The following ULK4 variants were observed in gnomAD, a reference collection of about 807,000 sequenced individuals.
ULK4 encodes inactive serine/threonine-protein kinase ULK4.
A neutral mutation model predicts 160.6 loss-of-function variants in ULK4; 133 were observed. The ratio of observed to expected loss-of-function variants is 0.83; its 90% confidence interval spans 0.72 to 0.96. ULK4 has a LOEUF of 0.96. Ranked by LOEUF, ULK4 falls within the 40% of genes least tolerant of loss-of-function variation. The pLI is 0.00. For synonymous variants in ULK4, 534 were observed against 539.8 expected (o/e 0.99, Z 0.15); for missense variants, 1,580 against 1,499.5 (o/e 1.05, Z -0.89).
chr3:41,279,264 A>AC lies in ULK4; in HGVS notation c.3679-29691_3679-29690insG, dbSNP rs1295508287. Among the ~76,000 whole-genome samples the AC allele has an allele frequency of 3.6e-4, 52 of 144,082 alleles. 1 individual carries two copies. The South Asian group carries it at 0.01, about 28-fold the overall frequency. The allele number at this position is 144,082 out of a possible 152,430, so 94.5% of individuals were successfully genotyped here. ...TTAGAGAAAAAAAGAGTAAAAAAAA[A>AC]AAAAAAAAAAACAAAACGACAAAGC... On this transcript the variant is annotated intron_variant, in intron 35 of 36. Transcript: ENST00000301831.
At chr3:41,584,290 T>A (rs2030616834) in intron 31 of ULK4, among the ~76,000 whole-genome samples, 1 of 152,106 alleles carries the variant, frequency 6.6e-6, no homozygotes, top group Non-Finnish European at 1.5e-5. Context: ...TTAGTGAAGA[T>A]ATAATAACTT....
At chr3:41,763,016 C>T (rs2039040553) in intron 21 of ULK4, among the ~76,000 whole-genome samples, 1 of 152,060 alleles carries the variant, frequency 6.6e-6, no homozygotes, top group Non-Finnish European at 1.5e-5. Flanking sequence ...CTCACTATCA[C>T]AAGAACAGCA....
intron 30 of ULK4, among the ~76,000 whole-genome samples, chr3:41,640,481 T>A (rs549619457): frequency 6.6e-6 from 1 of 152,306 alleles, no homozygotes; most frequent in East Asian, 1.9e-4. Flanking sequence ...TTGCCTAGTG[T>A]CCCAGGAAGC....
In ULK4 at chr3:41,249,480, C is replaced by G. The variant is rs748560352; in HGVS notation, c.3764+9G>C. 6.2e-7 allele frequency: 1 copy of G among 1,611,884 alleles called. No individual in the cohort carries two copies. The highest frequency in any genetic ancestry group is 8.5e-7 in the Non-Finnish European group (1 of 1,178,900). The stretch of plus-strand genomic sequence containing the variant: ...GAGCAGACTGCTGATCCTCCTGGGT[C>G]CCACTTACCCACTCCCAGGGGCCAG... On this transcript the variant is annotated intron_variant, in intron 36 of 36. Transcript: ENST00000301831.
rs141332137 is a variant in ULK4, at chr3:41,733,550, TATA to T, written c.2322-15692_2322-15690del. Among the ~76,000 whole-genome samples the T allele has an allele frequency of 7.5e-3, 1,140 of 152,128 alleles. 11 individuals are homozygous for T. The highest frequency in any genetic ancestry group is 0.026 in the African/African-American group (1,097 of 41,500). On this transcript the variant is annotated intron_variant, in intron 22 of 36. Coordinates refer to ENST00000301831, the MANE Select transcript of ULK4 (RefSeq NM_017886.4). ...ACATACTTAAAAATAAATGTGTAAC[TATA>T]ATAATAAATTAAATATTTATAAAAA...
At chr3:41,338,117 A>G (rs1234811776) in intron 35 of ULK4, among the ~76,000 whole-genome samples, 2 of 152,232 alleles carry the variant, frequency 1.3e-5, no homozygotes, top group Non-Finnish European at 2.9e-5. Flanking sequence ...CAGAGAGACA[A>G]CTTGTTTGAA....
chr3:41,601,900 T>G (rs1196571207), intron 31 of ULK4, among the ~76,000 whole-genome samples: 2 of 151,866 alleles, frequency 1.3e-5, no homozygotes, highest in Non-Finnish European at 2.9e-5. Flanking sequence ...TATAGAAAAT[T>G]AGTGAAATCT....
At chr3:41,819,267 G>A (rs1283738371) in intron 19 of ULK4, among the ~76,000 whole-genome samples, 156 bp downstream of exon 19, 1 of 152,208 alleles carries the variant, frequency 6.6e-6, no homozygotes, top group African/African-American at 2.4e-5. Flanking sequence ...CTCCACTGTA[G>A]GTCACTTGCT....
chr3:41,600,983 G>A (rs552815019), intron 31 of ULK4, among the ~76,000 whole-genome samples: 1 of 152,278 alleles, frequency 6.6e-6, no homozygotes, highest in East Asian at 1.9e-4. Flanking sequence ...ATAAGCACTT[G>A]AATCAAGAGA....
intron 19 of ULK4, among the ~76,000 whole-genome samples, chr3:41,810,855 C>A (rs1194118794): frequency 5.9e-5 from 9 of 151,988 alleles, no homozygotes; most frequent in Non-Finnish European, 2.9e-5. Flanking sequence ...TAGTAATGTA[C>A]CTTACTGAGC....
chr3:41,527,613 T>C (rs1415846615), intron 32 of ULK4, among the ~76,000 whole-genome samples: 1 of 152,216 alleles, frequency 6.6e-6, no homozygotes, highest in Non-Finnish European at 1.5e-5. Context: ...TGTAATGTTG[T>C]CCACCTAATT....
At chr3:41,495,137 AAAGG>A (rs2084939930) in intron 32 of ULK4, among the ~76,000 whole-genome samples, 1 of 152,242 alleles carries the variant, frequency 6.6e-6, no homozygotes, top group East Asian at 1.9e-4. Flanking sequence ...ATGCTAAGCC[AAAGG>A]AACAAAGCTG....
chr3:41,343,489 G>A (rs2080731935), intron 35 of ULK4, among the ~76,000 whole-genome samples: 1 of 151,426 alleles, frequency 6.6e-6, no homozygotes, highest in South Asian at 2.1e-4. Context: ...ATTTTTAGTA[G>A]AGAGGGGTTT....
At position 41,681,628 on chromosome 3, in the gene ULK4, C is replaced by T. The variant is rs760046506; in HGVS notation, c.2858G>A (p.Arg953Gln). ...QNVEWRLFSLRLLSETTSLLV... is the reference protein window; with the variant it reads ...QNVEWRLFSLQLLSETTSLLV... Reference sequence around the variant, plus strand: ...TAGAGATGTGGTTTCTGAGAGCAACCGCAAGCTAAAGAGTCTCCACTCCAC... The same window carrying T: ...TAGAGATGTGGTTTCTGAGAGCAACTGCAAGCTAAAGAGTCTCCACTCCAC... Residue 953 changes from arginine to glutamine, a missense_variant, in exon 29 of 37, where the codon CGG (arginine) becomes CAG (glutamine). Coordinates refer to ENST00000301831, the MANE Select transcript of ULK4 (RefSeq NM_017886.4). 9.9e-6 allele frequency: 16 copies of T among 1,613,410 alleles called. No individual in the cohort carries two copies. The highest frequency in any genetic ancestry group is 8.9e-5 in the East Asian group (4 of 44,852).
At chr3:41,322,428 C>T (rs933683736) in intron 35 of ULK4, among the ~76,000 whole-genome samples, 18 of 152,128 alleles carry the variant, frequency 1.2e-4, no homozygotes, top group African/African-American at 4.1e-4. Flanking sequence ...TCTGAGGAGG[C>T]AATAATTGAG....
At chr3:41,557,048 T>C (rs1428715631) in intron 32 of ULK4, among the ~76,000 whole-genome samples, 2 of 152,146 alleles carry the variant, frequency 1.3e-5, no homozygotes, top group Non-Finnish European at 2.9e-5. Context: ...GGTTACTGAC[T>C]CAAACACTAG....
chr3:41,938,189 G>A lies in ULK4; in HGVS notation c.147C>T (p.Leu49=), dbSNP rs989856343. ...TATTCTTGTGTTTTATTTCACGGGT[G>A]AGACGGACCTATAAAAACACAGAGC... ...KRPEITNWVR[L]TREIKHKNIV... is the part of the protein sequence containing the mutation. Residue 49 remains leucine, a synonymous_variant, in exon 3 of 37, where the codon CTC becomes CTT. Transcript: ENST00000301831. The A allele has an allele frequency of 4.3e-6, 7 of 1,611,670 alleles. No individual in the cohort carries two copies. Among genetic ancestry groups the A allele is most frequent in the Non-Finnish European group, 5.9e-6 (7 of 1,179,244 alleles).
At chr3:41,382,638 T>C (rs534785801) in intron 35 of ULK4, among the ~76,000 whole-genome samples, 34 of 152,278 alleles carry the variant, frequency 2.2e-4, no homozygotes, top group African/African-American at 8.2e-4. Context: ...TTGACTGAAT[T>C]CAAGATACTA....
intron 1 of ULK4, among the ~76,000 whole-genome samples, chr3:41,958,043 C>CAAA (rs60057307): frequency 8.4e-6 from 1 of 118,500 alleles, no homozygotes; most frequent in Non-Finnish European, 1.8e-5. Flanking sequence ...GACCCTTTCT[C>CAAA]AAAAAAAAAA....
Sources: gnomAD v4.1 joint callset for allele counts (sites outside exome capture counted in the v4.1 genomes callset) on GRCh38, gnomAD v4.1.1 for gene constraint, MANE v1.5 for transcripts, NCBI Gene and HGNC (gene_info 2026-07-23, HGNC 2026-07-21) for gene names.